The following CCSER1 variants were observed in gnomAD, a reference collection of about 807,000 sequenced individuals.
CCSER1 encodes the protein coiled-coil serine rich protein 1.
Under a neutral mutation model 82.0 loss-of-function variants are expected in CCSER1, and 41 were observed. That is an observed-to-expected ratio of 0.50 (90% CI 0.39 to 0.65). CCSER1 has a LOEUF of 0.65. CCSER1 is among the 30% of genes least tolerant of loss of function. The pLI is 0.00. For missense variants in CCSER1, 1,119 were observed against 1,064.2 expected, an observed-to-expected ratio of 1.05 and a Z score of -0.72; for synonymous variants, 414 against 383.9, an observed-to-expected ratio of 1.08 and a Z score of -0.92.
intron 7 of CCSER1, among the ~76,000 whole-genome samples, chr4:90,801,949 T>G (rs1334249593): frequency 6.6e-6 from 1 of 152,038 alleles, no homozygotes. Context: ...GCTGGGGGCG[T>G]TGTCTCACGC....
intron 10 of CCSER1, among the ~76,000 whole-genome samples, chr4:91,485,156 A>G (rs1758148994): frequency 6.6e-6 from 1 of 152,070 alleles, no homozygotes; most frequent in African/African-American, 2.4e-5. Context: ...GGTATGAAAC[A>G]GTAAAAAAAA....
intron 9 of CCSER1, among the ~76,000 whole-genome samples, chr4:91,034,902 A>G (rs1417387422): frequency 6.6e-6 from 1 of 152,296 alleles, no homozygotes; most frequent in African/African-American, 2.4e-5. Flanking sequence ...AAAATCCTTA[A>G]TTCTTTTAAT....
chr4:91,403,115 C>T (rs996670403), intron 10 of CCSER1, among the ~76,000 whole-genome samples: 2 of 152,094 alleles, frequency 1.3e-5, no homozygotes, highest in Non-Finnish European at 1.5e-5. Flanking sequence ...CTTCACATCT[C>T]TTATAAGTTG....
chr4:91,216,443 C>T (rs1489089449), intron 10 of CCSER1, among the ~76,000 whole-genome samples: 1 of 152,084 alleles, frequency 6.6e-6, no homozygotes, highest in Non-Finnish European at 1.5e-5. Flanking sequence ...CCTCAGCCTC[C>T]CGAATAGCTG....
chr4:90,797,969 T>C (rs918836081), intron 7 of CCSER1, among the ~76,000 whole-genome samples: 1 of 152,164 alleles, frequency 6.6e-6, no homozygotes, highest in Non-Finnish European at 1.5e-5. Flanking sequence ...GATCTTCTTA[T>C]AAAATGTGTT....
chr4:91,307,654 C>G (rs1257825522), intron 10 of CCSER1, among the ~76,000 whole-genome samples: 1 of 151,876 alleles, frequency 6.6e-6, no homozygotes, highest in Non-Finnish European at 1.5e-5. Context: ...TCTACTGGAA[C>G]CTGAAAGACC....
chr4:90,384,872 A>T (rs1278433443), intron 3 of CCSER1, among the ~76,000 whole-genome samples: 2 of 152,110 alleles, frequency 1.3e-5, no homozygotes, highest in Non-Finnish European at 2.9e-5. Flanking sequence ...TAATTCTTCA[A>T]ATCTCACTCC....
At chr4:90,669,390 GT>G (rs1480711959) in intron 6 of CCSER1, among the ~76,000 whole-genome samples, 2 of 152,032 alleles carry the variant, frequency 1.3e-5, no homozygotes, top group Non-Finnish European at 2.9e-5. Flanking sequence ...TTTAAAACCT[GT>G]TTATAGGAAA....
intron 10 of CCSER1, among the ~76,000 whole-genome samples, chr4:91,413,300 T>G (rs868188166): frequency 7.9e-5 from 12 of 151,998 alleles, no homozygotes; most frequent in Middle Eastern, 6.8e-3. Flanking sequence ...AAATTAAATA[T>G]TAGCTAGACA....
rs1032762443 is a variant in CCSER1 at position 91,443,987 on chromosome 4, A to T, written c.2218-154585A>T. 4.6e-5 allele frequency among the ~76,000 whole-genome samples: 7 copies of T among 152,000 alleles called. No homozygotes were observed. In the South Asian group the frequency reaches 1.4e-3, roughly 31 times the overall value. On this transcript the variant is annotated intron_variant, in intron 10 of 10. Transcript: ENST00000509176. ...CTGAAATTATATGTCCTGGCTTCAGAATGGATTTCCAAGGAGAAGAAAACA... is the reference window on the plus strand; with the variant it reads ...CTGAAATTATATGTCCTGGCTTCAGTATGGATTTCCAAGGAGAAGAAAACA...
At position 91,337,873 on chromosome 4, in the gene CCSER1, CGTTTAA is replaced by C. The variant is rs552686464; in HGVS notation, c.2217+251884_2217+251889del. Among the ~76,000 whole-genome samples, 15 of 152,132 alleles carry C rather than the reference CGTTTAA, an allele frequency of 9.9e-5. 1 individual carries two copies. The South Asian group carries it at 3.1e-3, about 32-fold the overall frequency. On this transcript the variant is annotated intron_variant, in intron 10 of 10. Coordinates refer to ENST00000509176, the MANE Select transcript of CCSER1 (RefSeq NM_001145065.2). ...TCAGGACACTTTAAAGATCTTATCA[CGTTTAA>C]GTTTTGTTACTGTTACAATTTTAAA... is the stretch of plus-strand genomic sequence containing the variant.
At position 91,162,881 on chromosome 4, in the gene CCSER1, G is replaced by A. The variant is rs1206359279; in HGVS notation, c.2217+76887G>A. On this transcript the variant is annotated intron_variant, in intron 10 of 10. Transcript: ENST00000509176. ...TTTTGTTGATCTTTTCAAAAAACCAGCTCCTGGATTCATTGATTTTTTTGA... is the reference window on the plus strand; with the variant it reads ...TTTTGTTGATCTTTTCAAAAAACCAACTCCTGGATTCATTGATTTTTTTGA... Among the ~76,000 whole-genome samples the A allele has an allele frequency of 4.6e-5, 7 of 152,176 alleles. No homozygotes were observed. In the South Asian group the frequency reaches 1.2e-3, roughly 27 times the overall value.
At chr4:91,016,535 T>C (rs568249087) in intron 9 of CCSER1, among the ~76,000 whole-genome samples, 27 of 152,172 alleles carry the variant, frequency 1.8e-4, no homozygotes, top group Admixed American at 1.4e-3. Context: ...TAGTAGCTAT[T>C]GCACATTTTA....
intron 10 of CCSER1, among the ~76,000 whole-genome samples, chr4:91,403,118 A>G (rs964128472): frequency 3.9e-5 from 6 of 151,996 alleles, no homozygotes; most frequent in African/African-American, 1.4e-4. Context: ...CACATCTCTT[A>G]TAAGTTGGAT....
intron 9 of CCSER1, among the ~76,000 whole-genome samples, chr4:90,930,771 A>C (rs1729649957): frequency 6.6e-6 from 1 of 151,730 alleles, no homozygotes; most frequent in African/African-American, 2.4e-5. Context: ...TATGAAGCTA[A>C]GTTCTATGAC....
At chr4:90,176,561 A>T (rs753634872) in intron 1 of CCSER1, among the ~76,000 whole-genome samples, 1 of 152,002 alleles carries the variant, frequency 6.6e-6, no homozygotes, top group Admixed American at 6.6e-5. Context: ...CCTATGAGGG[A>T]TATTTTTGGA....
At chr4:90,985,954 A>G (rs1368181272) in intron 9 of CCSER1, among the ~76,000 whole-genome samples, 1 of 151,812 alleles carries the variant, frequency 6.6e-6, no homozygotes, top group Non-Finnish European at 1.5e-5. Context: ...GTGATTAGAC[A>G]TAATGCTAGT....
chr4:90,458,599 C>T (rs560622799), intron 4 of CCSER1, among the ~76,000 whole-genome samples: 71 of 152,134 alleles, frequency 4.7e-4, no homozygotes, highest in African/African-American at 1.5e-3. Context: ...AGGTGATCCA[C>T]CCACCTCAGC....
intron 8 of CCSER1, among the ~76,000 whole-genome samples, chr4:90,854,292 A>T (rs1447887087): frequency 6.6e-6 from 1 of 152,194 alleles, no homozygotes; most frequent in Non-Finnish European, 1.5e-5. Context: ...CAAATCCTGG[A>T]TAAGGATAGT....
Sources: gnomAD v4.1 joint callset for allele counts (sites outside exome capture counted in the v4.1 genomes callset) on GRCh38, gnomAD v4.1.1 for gene constraint, MANE v1.5 for transcripts, NCBI Gene and HGNC (gene_info 2026-07-23, HGNC 2026-07-21) for gene names.